The following SLC2A6 variants were observed in gnomAD, a reference collection of about 807,000 sequenced individuals.
SLC2A6 encodes the protein solute carrier family 2 member 6.
SLC2A6 carries 39 observed loss-of-function variants against 47.8 expected under a neutral mutation model. The observed-to-expected ratio is 0.82, with a 90% CI of 0.63 to 1.07. The LOEUF (loss-of-function observed/expected upper bound fraction) is 1.07, where lower values mean the gene tolerates loss of function less well. Ranked by LOEUF, SLC2A6 falls within the 50% of genes least tolerant of loss-of-function variation. The pLI, the probability that SLC2A6 is intolerant of heterozygous loss-of-function variation, is 0.00. For synonymous variants in SLC2A6, 346 were observed against 324.1 expected (o/e 1.07, Z -0.73); for missense variants, 650 against 707.6 (o/e 0.92, Z 0.92).
rs1046322005 is a variant in SLC2A6 at position 133,478,978 on chromosome 9, C to A, written c.82G>T (p.Ala28Ser). Residue 28 changes from alanine to serine, a missense_variant, in exon 1 of 10, where the codon GCG becomes TCG. Ala to Ser is a moderately conservative substitution (Grantham distance 99, BLOSUM62 1). Coordinates refer to ENST00000371899, the MANE Select transcript of SLC2A6 (RefSeq NM_017585.4). Reference protein sequence around the residue: ...EKPPPSPGDRARVGTLQNKRV... With the variant: ...EKPPPSPGDRSRVGTLQNKRV... Reference sequence around the variant, plus strand: ...CCTAGCGACTCTCACCCGACCCGCGCCCTGTCCCCTGGCGACGGGGGCGGC... The same window carrying A: ...CCTAGCGACTCTCACCCGACCCGCGACCTGTCCCCTGGCGACGGGGGCGGC... 3 of 1,589,092 alleles carry A rather than the reference C, an allele frequency of 1.9e-6. No homozygotes were observed. The African/African-American group carries it at 4.1e-5, about 22-fold the overall frequency.
rs782814200 is a variant in SLC2A6 at position 133,479,092 on chromosome 9, C to A, written c.-33G>T. 1.3e-6 allele frequency: 2 copies of A among 1,552,656 alleles called. No homozygotes were observed. The highest frequency in any genetic ancestry group is 2.5e-5 in the East Asian group (1 of 40,410). On this transcript the variant is annotated 5_prime_UTR_variant, in exon 1 of 10. Transcript: ENST00000371899. ...TCTCTCTCGGGGCGAGCGGAGGGCGCTCAGACTGGAGCAGCCGCCCGGGGC... is the reference window on the plus strand; with the variant it reads ...TCTCTCTCGGGGCGAGCGGAGGGCGATCAGACTGGAGCAGCCGCCCGGGGC...
rs1262625942 is a variant in SLC2A6, at chr9:133,473,443, G to A, written c.1194C>T (p.Pro398=). The A allele has an allele frequency of 1.2e-6, 2 of 1,605,070 alleles. No homozygotes were observed. The highest frequency in any genetic ancestry group is 1.7e-6 in the Non-Finnish European group (2 of 1,177,110). The change falls in exon 8 of 10, where the codon CCC becomes CCT. Residue 398 remains proline (P), a synonymous_variant. Coordinates refer to ENST00000371899, the MANE Select transcript of SLC2A6 (RefSeq NM_017585.4). ...TGATGAAGAGCATGGTGGCCAGCAG[G>A]GGCACCAGGGTGAGGTAGCCAGCGG... is the stretch of plus-strand genomic sequence containing the variant. ...AAPAGYLTLV[P]LLATMLFIMG...
chr9:133,473,704 G>C, intron 7 of SLC2A6, 104 bp from the exon 8 acceptor site: 1 of 1,226,184 alleles, frequency 8.2e-7, no homozygotes, highest in East Asian at 2.6e-5. Context: ...GGTCCAGCTC[G>C]TGTCTGGGAC....
At position 133,475,052 on chromosome 9, in the gene SLC2A6, G is replaced by T. The variant is rs781960202; in HGVS notation, c.836C>A (p.Ala279Asp). The change falls in exon 6 of 10, where the codon GCC becomes GAC. Residue 279 changes from alanine to aspartate, a missense_variant. Physicochemically the swap from Ala to Asp is moderately radical, Grantham distance 126 (BLOSUM62 -2). Coordinates refer to ENST00000371899, the MANE Select transcript of SLC2A6 (RefSeq NM_017585.4). ...APHVCRPITV[A>D]LLMRLLQQLT... is the part of the protein sequence containing the mutation. ...CTGCTGCAGGAGGCGCATCAGCAAG[G>T]CCACGGTGATGGGCCGGCACACGTG... The T allele has an allele frequency of 1.2e-6, 2 of 1,601,466 alleles. No homozygotes were observed. The highest frequency in any genetic ancestry group is 8.5e-7 in the Non-Finnish European group (1 of 1,175,894).
intron 1 of SLC2A6, 178 bp from the exon 2 acceptor site, chr9:133,478,594 T>C (rs1844051185): frequency 6.0e-6 from 4 of 668,902 alleles, no homozygotes; most frequent in Admixed American, 3.0e-5. Flanking sequence ...TCCCAGGCCA[T>C]TGTTAGCTCA....
At chr9:133,476,414 C>G (rs1843955941) in intron 3 of SLC2A6, 78 bp from the exon 4 acceptor site, 1 of 1,253,066 alleles carries the variant, frequency 8.0e-7, no homozygotes, top group Non-Finnish European at 1.2e-6. Flanking sequence ...AGAGTCAGCC[C>G]CTGTGAACCC....
At chr9:133,475,635 G>A (rs1843917085) in intron 4 of SLC2A6, 24 bp from the exon 5 acceptor site, 2 of 1,557,332 alleles carry the variant, frequency 1.3e-6, no homozygotes, top group South Asian at 2.3e-5. Context: ...GTGGGTGAGG[G>A]GCCAGGTCCA....
rs587745588 is a variant in SLC2A6 at position 133,475,099 on chromosome 9, C to T, written c.789G>A (p.Ser263=). The T allele has an allele frequency of 7.6e-6, 12 of 1,568,856 alleles. No individual in the cohort carries two copies. Among genetic ancestry groups the T allele is most frequent in the African/African-American group, 1.4e-5 (1 of 74,070 alleles). The change falls in exon 6 of 10, where the codon TCG becomes TCA. Residue 263 remains serine, a synonymous_variant. Coordinates refer to ENST00000371899, the MANE Select transcript of SLC2A6 (RefSeq NM_017585.4). ...CGTGTGGGGCCCGTGCCTCAGCCCA[C>T]GATACTCGGCTGCTCTGAAACACAA... is the stretch of plus-strand genomic sequence containing the variant. ...DNVRRQSSRV[S]WAEARAPHVC... is the part of the protein sequence containing the mutation.
chr9:133,473,605 G>A lies in SLC2A6; in HGVS notation c.1037-5C>T, dbSNP rs1843821008. ...TGGCAGCAAACATGATGGCCGCTGT[G>A]GACAGACAGGTGGCCTCGTGGGGCC... On this transcript the variant is annotated splice_polypyrimidine_tract_variant and splice_region_variant and intron_variant, in intron 7 of 9. Coordinates refer to ENST00000371899, the MANE Select transcript of SLC2A6 (RefSeq NM_017585.4). 3 of 1,518,336 alleles carry A rather than the reference G, an allele frequency of 2.0e-6. No homozygotes were observed. Among genetic ancestry groups the A allele is most frequent in the East Asian group, 4.6e-5 (2 of 43,448 alleles). 94.1% of individuals were successfully genotyped at this position (1,518,336 alleles called of 1,614,324 possible).
At chr9:133,476,213 A>G (rs782634891) in intron 4 of SLC2A6, 24 bp downstream of exon 4, 1 of 1,581,114 alleles carries the variant, frequency 6.3e-7, no homozygotes, top group South Asian at 1.1e-5. Context: ...CAGCCTGCAC[A>G]CAGGAGTGCG....
chr9:133,473,329 G>C (rs923928896), intron 8 of SLC2A6, 79 bp from the exon 9 acceptor site: 3 of 1,539,998 alleles, frequency 1.9e-6, no homozygotes, highest in Non-Finnish European at 2.6e-6. Context: ...AGCTGCTGGA[G>C]ACCCCCCTCT....
Position 133,472,011 on chromosome 9 carries a change from G to T in SLC2A6, c.*10C>A, listed in dbSNP as rs202130573. 18 of 1,609,368 alleles carry T rather than the reference G, an allele frequency of 1.1e-5. No individual in the cohort carries two copies. Among genetic ancestry groups the T allele is most frequent in the Non-Finnish European group, 1.4e-5 (16 of 1,177,026 alleles). Reference sequence around the variant, plus strand: ...TGGGGGTTTGGCCCCCTCCAGGCGGGGACCTTGACCTAGCGCAAGAAGGAC... The same window carrying T: ...TGGGGGTTTGGCCCCCTCCAGGCGGTGACCTTGACCTAGCGCAAGAAGGAC... On this transcript the variant is annotated 3_prime_UTR_variant, in exon 10 of 10. Transcript: ENST00000371899.
intron 7 of SLC2A6, 130 bp downstream of exon 7, chr9:133,473,850 C>T (rs112616563): frequency 3.6e-5 from 30 of 835,672 alleles, no homozygotes; most frequent in Admixed American, 2.4e-4. Flanking sequence ...AGGGCCCTGC[C>T]GATGCTAGGG....
chr9:133,475,217 C>A (rs965270281), intron 5 of SLC2A6, 104 bp from the exon 6 acceptor site: 2 of 1,416,940 alleles, frequency 1.4e-6, no homozygotes, highest in East Asian at 5.1e-5. Context: ...CTTTTTCCCT[C>A]CTCCAGGAAA....
intron 6 of SLC2A6, among the ~76,000 whole-genome samples, chr9:133,474,381 A>C (rs1554802735): frequency 6.6e-6 from 1 of 152,176 alleles, no homozygotes; most frequent in African/African-American, 2.4e-5. Flanking sequence ...TCTCACTTTG[A>C]GCCTTGGGGC....
chr9:133,476,010 A>G (rs1020689953), intron 4 of SLC2A6, among the ~76,000 whole-genome samples: 2 of 152,378 alleles, frequency 1.3e-5, no homozygotes, highest in South Asian at 4.1e-4. Flanking sequence ...TGGGTCCAGG[A>G]GAAGCCCTGG....
chr9:133,473,769 A>G, intron 7 of SLC2A6, 169 bp from the exon 8 acceptor site: 1 of 785,496 alleles, frequency 1.3e-6, no homozygotes, highest in Non-Finnish European at 2.0e-6. Flanking sequence ...TTAGGCTCCC[A>G]CCGTGGAGTG....
intron 3 of SLC2A6, 55 bp from the exon 4 acceptor site, chr9:133,476,391 C>T (rs782296103): frequency 7.7e-5 from 115 of 1,487,074 alleles, no homozygotes; most frequent in Non-Finnish European, 9.5e-5. Context: ...TTCCTAGGCC[C>T]GGCCGAGATG....
rs1474054573 is a variant in SLC2A6, at chr9:133,475,293, T to C, written c.774+107A>G. 3 of 1,371,284 alleles carry C rather than the reference T, an allele frequency of 2.2e-6. No individual in the cohort carries two copies. The African/African-American group carries it at 4.4e-5, about 20-fold the overall frequency. 84.9% of individuals were successfully genotyped at this position (1,371,284 alleles called of 1,614,324 possible). ...CCCACCCCAACCCAGGCACTTGGAT[T>C]AGTGGGAACTACTGTGGTCCTGTCT... On this transcript the variant is annotated intron_variant, in intron 5 of 9. Transcript: ENST00000371899.
Sources: gnomAD v4.1 joint callset for allele counts (sites outside exome capture counted in the v4.1 genomes callset) on GRCh38, gnomAD v4.1.1 for gene constraint, MANE v1.5 for transcripts, NCBI Gene and HGNC (gene_info 2026-07-23, HGNC 2026-07-21) for gene names.